ANOS1: variants seen among roughly 807,000 people sequenced by gnomAD.
The protein encoded by ANOS1 is anosmin-1.
Under a neutral mutation model 59.0 loss-of-function variants are expected in ANOS1, and 6 were observed. The ratio of observed to expected loss-of-function variants is 0.10; its 90% CI spans 0.06 to 0.20. The LOEUF (loss-of-function observed/expected upper bound fraction) is 0.20, where lower values mean the gene tolerates loss of function less well. ANOS1 is among the 10% of genes least tolerant of loss of function. ANOS1 has a pLI of 1.00. For synonymous variants in ANOS1, 217 were observed against 223.4 expected (o/e 0.97, Z 0.25); for missense variants, 433 against 542.3 (o/e 0.80, Z 2.00).
intron 2 of ANOS1, among the ~76,000 whole-genome samples, chrX:8,645,562 C>A (rs1461050626): frequency 9.0e-6 from 1 of 111,725 alleles, no homozygotes; most frequent in Non-Finnish European, 1.9e-5. Context: ...TGAATGTGTT[C>A]TCTTTAAGCT....
rs765050088 is a variant in ANOS1 at position 8,585,329 on chromosome X, G to C, written c.794C>G (p.Ala265Gly). The change falls in exon 6 of 14, where the codon GCT (alanine) becomes GGT (glycine). Residue 265 changes from alanine to glycine, a missense_variant. By Grantham distance (60) the Ala-to-Gly change is moderately conservative. Coordinates refer to ENST00000262648, the MANE Select transcript of ANOS1 (RefSeq NM_000216.4). ...PSRWYQFRVA[A>G]VNVHGTRGFT... The stretch of plus-strand genomic sequence containing the variant: ...GCCTCGAGTTCCATGCACATTCACA[G>C]CAGCCACTCGAAACTGGTACCATCG... 3 of 1,209,827 alleles carry C rather than the reference G, an allele frequency of 2.5e-6. No individual in the cohort carries two copies. Among genetic ancestry groups the C allele is most frequent in the Non-Finnish European group, 3.4e-6 (3 of 893,719 alleles).
intron 9 of ANOS1, among the ~76,000 whole-genome samples, chrX:8,542,701 C>T (rs1352224356): frequency 9.0e-6 from 1 of 110,866 alleles, no homozygotes; most frequent in Non-Finnish European, 1.9e-5. Context: ...GCTGGTGGTG[C>T]CCTTCCACCA....
intron 8 of ANOS1, among the ~76,000 whole-genome samples, chrX:8,554,548 T>TG (rs1170322502): frequency 3.8e-4 from 36 of 93,708 alleles, no homozygotes; most frequent in Admixed American, 1.3e-3. Context: ...AGGAGTTTTT[T>TG]TTTTTTTTTT....
chrX:8,566,302 C>T (rs1930111689), intron 8 of ANOS1: 3 of 721,348 alleles, frequency 4.2e-6, no homozygotes, highest in South Asian at 1.4e-4. Context: ...AACCAAAATA[C>T]ATCATCGTGC....
rs376141831 is a variant in ANOS1, at chrX:8,649,875, T to C, written c.256-26205A>G. Among the ~76,000 whole-genome samples, 5 of 112,621 alleles carry C rather than the reference T, an allele frequency of 4.4e-5. No homozygotes were observed. The East Asian group carries it at 1.4e-3, about 32-fold the overall frequency. On this transcript the variant is annotated intron_variant, in intron 2 of 13. Coordinates refer to ENST00000262648, the MANE Select transcript of ANOS1 (RefSeq NM_000216.4). ...CAAGTTCAAGGTGGCCCCTCACTTG[T>C]AGGAGCCCCTTCCATGGCACTGGAA...
intron 1 of ANOS1, among the ~76,000 whole-genome samples, chrX:8,717,321 T>C (rs1375675409): frequency 8.9e-6 from 1 of 111,912 alleles, no homozygotes; most frequent in East Asian, 2.8e-4. Flanking sequence ...TCCTGGATAA[T>C]AGAAAAATGA....
chrX:8,684,774 T>G (rs1434967075), intron 2 of ANOS1, among the ~76,000 whole-genome samples: 5 of 110,283 alleles, frequency 4.5e-5, no homozygotes, highest in Non-Finnish European at 9.5e-5. Flanking sequence ...ACACTGTTCA[T>G]TCATCTGCGA....
At chrX:8,721,505 A>G (rs910363678) in intron 1 of ANOS1, among the ~76,000 whole-genome samples, 2 of 112,171 alleles carry the variant, frequency 1.8e-5, no homozygotes, top group Non-Finnish European at 3.8e-5. Context: ...TGTAAAATGC[A>G]ATGCTAAATG....
intron 2 of ANOS1, among the ~76,000 whole-genome samples, chrX:8,669,789 A>G (rs1932225693): frequency 8.9e-6 from 1 of 111,819 alleles, no homozygotes. Flanking sequence ...CAGTCCTTCA[A>G]AGAAGGTGGA....
intron 2 of ANOS1, among the ~76,000 whole-genome samples, chrX:8,667,394 T>G (rs1384751484): frequency 4.5e-5 from 5 of 111,060 alleles, no homozygotes; most frequent in Non-Finnish European, 9.4e-5. Flanking sequence ...CTCCTGGGCT[T>G]AAGCAACCCT....
At chrX:8,573,731 CAT>C (rs1483543664) in intron 6 of ANOS1, among the ~76,000 whole-genome samples, 1 of 111,262 alleles carries the variant, frequency 9.0e-6, no homozygotes, top group Non-Finnish European at 1.9e-5. Flanking sequence ...ACCACCAACA[CAT>C]ATCCTACCAC....
intron 6 of ANOS1, among the ~76,000 whole-genome samples, chrX:8,577,379 C>G (rs1212024367): frequency 9.0e-6 from 1 of 111,336 alleles, no homozygotes; most frequent in Non-Finnish European, 1.9e-5. Context: ...CTCTGAGTCT[C>G]AAATCTGGGC....
chrX:8,627,396 T>C (rs1931414517), intron 2 of ANOS1, among the ~76,000 whole-genome samples: 1 of 111,841 alleles, frequency 8.9e-6, no homozygotes, highest in Admixed American at 9.5e-5. Flanking sequence ...ACAAATACTA[T>C]TTACAAAAAC....
intron 2 of ANOS1, among the ~76,000 whole-genome samples, chrX:8,662,023 C>T (rs181519977): frequency 0.016 from 1,743 of 111,718 alleles, 48 homozygotes; most frequent in African/African-American, 0.054. Context: ...GAAAGAGGAA[C>T]TAAACCAACA....
chrX:8,615,542 CAAAAAAAAAAAAAAAAA>C (rs896793818), intron 3 of ANOS1, among the ~76,000 whole-genome samples: 299 of 58,043 alleles, frequency 5.2e-3, no homozygotes, highest in African/African-American at 0.018. Context: ...GACCCTGTCT[CAAAAAAAAAAAAAAAAA>C]GAAAAGAAAA....
At chrX:8,569,628 C>T (rs970951175) in intron 7 of ANOS1, among the ~76,000 whole-genome samples, 4 of 111,444 alleles carry the variant, frequency 3.6e-5, no homozygotes, top group African/African-American at 6.5e-5. Flanking sequence ...AGAGACAGAG[C>T]GAGACTCCCT....
intron 6 of ANOS1, among the ~76,000 whole-genome samples, chrX:8,581,716 T>C (rs1484482228): frequency 8.9e-6 from 1 of 111,941 alleles, no homozygotes; most frequent in Non-Finnish European, 1.9e-5. Context: ...CTCAAGCTCA[T>C]CAAATGTAGA....
intron 2 of ANOS1, among the ~76,000 whole-genome samples, chrX:8,670,946 C>T (rs993226467): frequency 2.7e-5 from 3 of 110,824 alleles, no homozygotes; most frequent in African/African-American, 9.9e-5. Flanking sequence ...GCCAATTTTG[C>T]CTCCCATCTC....
intron 2 of ANOS1, among the ~76,000 whole-genome samples, chrX:8,696,080 G>T (rs951067585): frequency 1.4e-4 from 16 of 112,003 alleles, no homozygotes; most frequent in African/African-American, 5.2e-4. Context: ...GTGCAAGGCT[G>T]GTATGGGGCC....
Sources: allele counts gnomAD v4.1 joint callset (sites outside exome capture counted in the v4.1 genomes callset), GRCh38; gene constraint gnomAD v4.1.1; transcripts MANE v1.5; gene names NCBI Gene and HGNC (gene_info 2026-07-23, HGNC 2026-07-21).